The following BCL2A1 variants were observed in gnomAD, a reference collection of about 807,000 sequenced individuals.
BCL2A1 encodes the protein bcl-2-related protein A1.
In BCL2A1, 10 loss-of-function variants were observed where a neutral mutation model predicts 14.4. The ratio of observed to expected loss-of-function variants is 0.69; its 90% CI spans 0.43 to 1.18. BCL2A1 has a LOEUF of 1.18. Among genes scored for constraint, BCL2A1 ranks in the 50% most tolerant of loss-of-function variants. BCL2A1 has a pLI of 0.00. For synonymous variants in BCL2A1, 71 were observed against 76.5 expected, an observed-to-expected ratio of 0.93 and a Z score of 0.38; for missense variants, 158 against 205.0, an observed-to-expected ratio of 0.77 and a Z score of 1.40.
In BCL2A1 at chr15:79,960,926, G is replaced by A. The variant is rs184632937; in HGVS notation, c.*141C>T. 13 of 1,343,490 alleles carry A rather than the reference G, an allele frequency of 9.7e-6. No homozygotes were observed. The East Asian group carries it at 3.0e-4, about 31-fold the overall frequency. 83.2% of individuals were successfully genotyped at this position (1,343,490 alleles called of 1,614,324 possible). ...ATACATACAATTTATTCATTACATG[G>A]GGACAAAATTTCCATAACTCTGGAA... On this transcript the variant is annotated 3_prime_UTR_variant, in exon 2 of 2. Transcript: ENST00000267953.
In BCL2A1 at chr15:79,961,073, G is replaced by A. The variant is rs141385269; in HGVS notation, c.522C>T (p.Tyr174=). Residue 174 remains tyrosine (Y), a synonymous_variant, in exon 2 of 2, where the codon TAC becomes TAT. Coordinates refer to ENST00000267953, the MANE Select transcript of BCL2A1 (RefSeq NM_004049.4). ...TATGGAGTGTCCTTTCTGGTCAACA[G>A]TATTGCTTCAGGAGAGATAGCATTT... ...ICEMLSLLKQ[Y]C 1.9e-6 allele frequency: 3 copies of A among 1,614,008 alleles called. No individual in the cohort carries two copies. The highest frequency in any genetic ancestry group is 2.7e-5 in the African/African-American group (2 of 75,050).
intron 1 of BCL2A1, among the ~76,000 whole-genome samples, chr15:79,962,202 C>T (rs1425392962): frequency 1.3e-5 from 2 of 152,148 alleles, no homozygotes; most frequent in African/African-American, 4.8e-5. Flanking sequence ...CCGAGCATAA[C>T]TCTTTGATAG....
At chr15:79,963,593 G>A (rs966280674) in intron 1 of BCL2A1, among the ~76,000 whole-genome samples, 1 of 152,144 alleles carries the variant, frequency 6.6e-6, no homozygotes, top group African/African-American at 2.4e-5. Context: ...ACATCATTAA[G>A]TTTGTTGTGA....
rs2035488265 is a variant in BCL2A1 at position 79,961,281 on chromosome 15, C to G, written c.421-107G>C. The G allele has an allele frequency of 3.0e-6, 3 of 1,001,240 alleles. No homozygotes were observed. The East Asian group carries it at 7.9e-5, about 26-fold the overall frequency. 62.0% of individuals were successfully genotyped at this position (1,001,240 alleles called of 1,614,324 possible). On this transcript the variant is annotated intron_variant, in intron 1 of 1. Coordinates refer to ENST00000267953, the MANE Select transcript of BCL2A1 (RefSeq NM_004049.4). ...AATAGTGCAAATAGTTAATCTTCTA[C>G]CCCTTCTACCCCTGTTAAGCAGCAG...
intron 1 of BCL2A1, among the ~76,000 whole-genome samples, chr15:79,963,514 T>C (rs1567023118): frequency 6.6e-6 from 1 of 152,210 alleles, no homozygotes; most frequent in East Asian, 1.9e-4. Context: ...CTTATTGTTT[T>C]TTAGACCTAT....
chr15:79,971,099 T>G lies in BCL2A1; in HGVS notation c.21A>C (p.Gly7=). The change falls in exon 1 of 2, where the codon GGA becomes GGC. Residue 7 remains glycine (G), a synonymous_variant. Coordinates refer to ENST00000267953, the MANE Select transcript of BCL2A1 (RefSeq NM_004049.4). MTDCEF[G]YIYRLAQDYL... Reference sequence around the variant, plus strand: ...AGTCCTGAGCCAGCCTGTAAATATATCCAAATTCACAGTCTGTCATCTTCT... The same window carrying G: ...AGTCCTGAGCCAGCCTGTAAATATAGCCAAATTCACAGTCTGTCATCTTCT... 6.2e-7 allele frequency: 1 copy of G among 1,613,474 alleles called. No individual in the cohort carries two copies. Among genetic ancestry groups the G allele is most frequent in the Non-Finnish European group, 8.5e-7 (1 of 1,179,454 alleles).
At chr15:79,963,740 T>C (rs2035512300) in intron 1 of BCL2A1, among the ~76,000 whole-genome samples, 1 of 152,160 alleles carries the variant, frequency 6.6e-6, no homozygotes, top group African/African-American at 2.4e-5. Context: ...TCTAAAATAT[T>C]GGAGGGTAGG....
chr15:79,962,551 T>TTAG (rs1231831840), intron 1 of BCL2A1, among the ~76,000 whole-genome samples: 3 of 152,038 alleles, frequency 2.0e-5, no homozygotes, highest in African/African-American at 7.2e-5. Context: ...TCTGAAATTA[T>TTAG]TATTATTATT....
chr15:79,967,867 G>C (rs1431572090), intron 1 of BCL2A1, among the ~76,000 whole-genome samples: 1 of 151,946 alleles, frequency 6.6e-6, no homozygotes, highest in Non-Finnish European at 1.5e-5. Flanking sequence ...AGATTGCTTT[G>C]AAATGACATT....
At chr15:79,968,024 TCCG>T (rs2035559574) in intron 1 of BCL2A1, among the ~76,000 whole-genome samples, 1 of 152,112 alleles carries the variant, frequency 6.6e-6, no homozygotes, top group Non-Finnish European at 1.5e-5. Context: ...GAGAGGTTCA[TCCG>T]GCCACACTCA....
chr15:79,971,187 A>G lies in BCL2A1; in HGVS notation c.-68T>C, dbSNP rs2035591595. The G allele has an allele frequency of 2.7e-6, 4 of 1,501,388 alleles. No individual in the cohort carries two copies. Among genetic ancestry groups the G allele is most frequent in the Non-Finnish European group, 3.6e-6 (4 of 1,100,934 alleles). 93.0% of individuals were successfully genotyped at this position (1,501,388 alleles called of 1,614,324 possible). A position where few individuals can be genotyped will look rare whatever the true frequency, so the allele number is the denominator to read the frequency against. ...GAAGCTGTTGAGGCAATGTGCTGAG[A>G]ATGCTCACTGAGCTTGACTGAGTTA... is the stretch of plus-strand genomic sequence containing the variant. On this transcript the variant is annotated 5_prime_UTR_variant, in exon 1 of 2. Coordinates refer to ENST00000267953, the MANE Select transcript of BCL2A1 (RefSeq NM_004049.4).
intron 1 of BCL2A1, among the ~76,000 whole-genome samples, chr15:79,964,621 G>C (rs1487427692): frequency 6.6e-6 from 1 of 152,212 alleles, no homozygotes; most frequent in Non-Finnish European, 1.5e-5. Context: ...CAGTGGTGAA[G>C]AAAGCATACA....
At position 79,967,930 on chromosome 15, in the gene BCL2A1, T is replaced by A. The variant is rs188547639; in HGVS notation, c.420+2770A>T. ...ACTTGAACTATTCAGGTGTTTTTTT[T>A]AAAAAAAAAAAAGAGCTTGGAAACT... On this transcript the variant is annotated intron_variant, in intron 1 of 1. Coordinates refer to ENST00000267953, the MANE Select transcript of BCL2A1 (RefSeq NM_004049.4). Among the ~76,000 whole-genome samples, 5,515 of 144,258 alleles carry A rather than the reference T, an allele frequency of 0.038. 249 individuals carry two copies. Among genetic ancestry groups the A allele is most frequent in the African/African-American group, 0.1 (3,951 of 39,548 alleles). 94.6% of individuals were successfully genotyped at this position (144,258 alleles called of 152,430 possible). A position where few individuals can be genotyped will look rare whatever the true frequency, so the allele number is the denominator to read the frequency against.
At chr15:79,969,821 T>G (rs2035577801) in intron 1 of BCL2A1, among the ~76,000 whole-genome samples, 1 of 152,184 alleles carries the variant, frequency 6.6e-6, no homozygotes, top group African/African-American at 2.4e-5. Context: ...ATGTTTTGCA[T>G]GCAAAATAAT....
intron 1 of BCL2A1, among the ~76,000 whole-genome samples, chr15:79,965,409 G>A (rs1852278980): frequency 1.3e-5 from 2 of 152,202 alleles, no homozygotes; most frequent in Admixed American, 6.5e-5. Flanking sequence ...ATACAGACTT[G>A]AGCCAATGCG....
intron 1 of BCL2A1, among the ~76,000 whole-genome samples, chr15:79,961,411 T>C (rs1462287195): frequency 6.6e-6 from 1 of 152,212 alleles, no homozygotes; most frequent in Non-Finnish European, 1.5e-5. Context: ...AGGATAGTTT[T>C]AGAGTTATTT....
intron 1 of BCL2A1, among the ~76,000 whole-genome samples, chr15:79,968,696 C>T (rs2035567205): frequency 6.6e-6 from 1 of 152,206 alleles, no homozygotes; most frequent in Non-Finnish European, 1.5e-5. Context: ...TTTGGGAGGC[C>T]AAAGGGGGAG....
chr15:79,967,271 G>T (rs1455752111), intron 1 of BCL2A1, among the ~76,000 whole-genome samples: 2 of 148,640 alleles, frequency 1.3e-5, no homozygotes, highest in African/African-American at 5.0e-5. Context: ...GCCCAGGCTG[G>T]AGTGGCACAA....
chr15:79,964,264 T>C (rs2035516940), intron 1 of BCL2A1, among the ~76,000 whole-genome samples: 1 of 152,116 alleles, frequency 6.6e-6, no homozygotes. Context: ...CATAAAATAA[T>C]ATACAGTATC....
Sources: allele counts gnomAD v4.1 joint callset (sites outside exome capture counted in the v4.1 genomes callset), GRCh38; gene constraint gnomAD v4.1.1; transcripts MANE v1.5; gene names NCBI Gene and HGNC (gene_info 2026-07-23, HGNC 2026-07-21).